The following CELF2 variants were observed in gnomAD, a reference collection of about 807,000 sequenced individuals.
CELF2 encodes CUGBP Elav-like family member 2.
In CELF2, 8 loss-of-function variants were observed where a neutral mutation model predicts 62.6. The ratio of observed to expected loss-of-function variants is 0.13; its 90% CI spans 0.07 to 0.23. The LOEUF is 0.23. CELF2 is among the 10% of genes least tolerant of loss of function. The pLI, the probability that CELF2 is intolerant of heterozygous loss-of-function variation, is 1.00. For synonymous variants in CELF2, 258 were observed against 250.0 expected, an observed-to-expected ratio of 1.03 and a Z score of -0.30; for missense variants, 333 against 671.0, an observed-to-expected ratio of 0.50 and a Z score of 5.56.
the CELF2 span, among the ~76,000 whole-genome samples, chr10:10,538,894 TG>T: frequency 9.2e-5 from 14 of 152,266 alleles, no homozygotes; most frequent in Admixed American, 2.0e-4. Flanking sequence ...TTTATCTTTT[TG>T]TTTGAGTGTC....
intron 1 of CELF2, among the ~76,000 whole-genome samples, chr10:10,896,383 A>G (rs1476353686): frequency 2.0e-5 from 3 of 152,188 alleles, no homozygotes; most frequent in Non-Finnish European, 4.4e-5. Context: ...GAAAGGATAA[A>G]AAAAGATACA....
intron 1 of CELF2, among the ~76,000 whole-genome samples, chr10:10,811,364 G>T: frequency 6.6e-6 from 1 of 152,188 alleles, no homozygotes; most frequent in East Asian, 1.9e-4. Context: ...GGGCCAGAAA[G>T]CAGGAGTGCC....
At chr10:10,483,439 A>G in the CELF2 span, among the ~76,000 whole-genome samples, 81 of 152,328 alleles carry the variant, frequency 5.3e-4, no homozygotes, top group African/African-American at 1.9e-3. Flanking sequence ...TCCACTGGGT[A>G]TGTAAATACA....
intron 3 of CELF2, among the ~76,000 whole-genome samples, chr10:11,230,840 A>G (rs191099442): frequency 2.6e-5 from 4 of 152,344 alleles, no homozygotes; most frequent in Admixed American, 2.6e-4. Context: ...TTCTGCCACA[A>G]AGAGTTAATC....
At chr10:10,651,398 A>G in the CELF2 span, among the ~76,000 whole-genome samples, 1 of 146,630 alleles carries the variant, frequency 6.8e-6, no homozygotes, top group South Asian at 2.4e-4. Flanking sequence ...CTGCCTCTGT[A>G]GGCTCCACCT....
the CELF2 span, among the ~76,000 whole-genome samples, chr10:10,732,222 C>A: frequency 6.6e-6 from 1 of 152,092 alleles, no homozygotes; most frequent in Non-Finnish European, 1.5e-5. Context: ...TTATTGTGAC[C>A]TTTTTCTCAT....
At chr10:10,724,136 A>G in the CELF2 span, among the ~76,000 whole-genome samples, 1 of 152,224 alleles carries the variant, frequency 6.6e-6, no homozygotes, top group Non-Finnish European at 1.5e-5. Flanking sequence ...TGCATTTTCC[A>G]TAAAAATTTC....
At chr10:10,759,994 C>T in the CELF2 span, among the ~76,000 whole-genome samples, 1 of 152,180 alleles carries the variant, frequency 6.6e-6, no homozygotes, top group South Asian at 2.1e-4. Context: ...CAACCTCCGC[C>T]TTCCAGTTCA....
At chr10:10,810,812 T>G (rs934283408) in intron 1 of CELF2, among the ~76,000 whole-genome samples, 18 of 152,134 alleles carry the variant, frequency 1.2e-4, no homozygotes, top group African/African-American at 4.3e-4. Flanking sequence ...GTGGTGGAGC[T>G]TCCAGTCAGC....
rs1382123726 is a variant in CELF2, at chr10:10,860,370, A to G, written c.54-59594A>G. 4.6e-5 allele frequency among the ~76,000 whole-genome samples: 7 copies of G among 152,206 alleles called. No homozygotes were observed. In the South Asian group the frequency reaches 1.0e-3, roughly 23 times the overall value. On this transcript the variant is annotated intron_variant, in intron 1 of 13. Coordinates refer to the CELF2 transcript ENST00000636488. ...ACCCACAGGTGTCCCCAGGCCACCA[A>G]TGTGTCCCAGATGTCCTCAGGCCAC...
At chr10:10,786,046 T>A in the CELF2 span, among the ~76,000 whole-genome samples, 1 of 152,094 alleles carries the variant, frequency 6.6e-6, no homozygotes, top group Non-Finnish European at 1.5e-5. Context: ...TTAAAAAAAA[T>A]GTTTTCTGCA....
At chr10:11,029,482 A>G (rs2059772931) in intron 1 of CELF2, among the ~76,000 whole-genome samples, 1 of 152,214 alleles carries the variant, frequency 6.6e-6, no homozygotes, top group South Asian at 2.1e-4. Flanking sequence ...ACGACGGGCC[A>G]GGGGAATATT....
chr10:10,531,439 A>G, the CELF2 span, among the ~76,000 whole-genome samples: 1 of 152,238 alleles, frequency 6.6e-6, no homozygotes, highest in African/African-American at 2.4e-5. Flanking sequence ...ATTTTATTAA[A>G]TCGTTCATAG....
Position 11,046,104 on chromosome 10 carries a change from C to T in CELF2, c.74+27941C>T, listed in dbSNP as rs2062788881. Among the ~76,000 whole-genome samples the T allele has an allele frequency of 6.6e-6, 1 of 152,236 alleles. No homozygotes were observed. The highest frequency in any genetic ancestry group is 2.1e-4 in the South Asian group (1 of 4,832). ...AGCTGACTTGAGCTGTCTACACCTT[C>T]CAGCTCTGTTCTATTTGCTGCTGTT... On this transcript the variant is annotated intron_variant, in intron 1 of 12. Coordinates refer to ENST00000633077, the MANE Select transcript of CELF2 (RefSeq NM_001326342.2). The surrounding 1 kb of genome is among the most constrained non-coding windows in gnomAD (Gnocchi z 4.6).
chr10:11,301,368 C>A (rs1279005488), intron 9 of CELF2, among the ~76,000 whole-genome samples: 2 of 134,248 alleles, frequency 1.5e-5, no homozygotes, highest in Non-Finnish European at 3.2e-5. Context: ...CTCCCCACCC[C>A]GCTTCCCCCC....
the CELF2 span, among the ~76,000 whole-genome samples, chr10:10,603,646 C>G: frequency 6.6e-6 from 1 of 152,146 alleles, no homozygotes; most frequent in Admixed American, 6.5e-5. Context: ...TTCATTCTCT[C>G]TCTTAATAAA....
intron 7 of CELF2, among the ~76,000 whole-genome samples, chr10:11,272,694 C>G (rs77766509): frequency 2.7e-3 from 409 of 152,304 alleles, no homozygotes; most frequent in African/African-American, 9.4e-3. Context: ...GTGATTCTTT[C>G]TTGGCCATGT....
chr10:10,629,491 C>T, the CELF2 span, among the ~76,000 whole-genome samples: 17 of 152,206 alleles, frequency 1.1e-4, no homozygotes, highest in Middle Eastern at 3.4e-3. Context: ...CTATTTTTAA[C>T]CTCTTTTTAA....
chr10:11,132,803 T>G (rs1292156092), intron 1 of CELF2, among the ~76,000 whole-genome samples: 1 of 152,196 alleles, frequency 6.6e-6, no homozygotes, highest in African/African-American at 2.4e-5. Flanking sequence ...AAATGGACCC[T>G]TAGGCCTTTG....
Sources: allele counts gnomAD v4.1 joint callset (sites outside exome capture counted in the v4.1 genomes callset), GRCh38; gene constraint gnomAD v4.1.1; non-coding constraint Gnocchi (gnomAD v3.1); transcripts MANE v1.5; gene names NCBI Gene and HGNC (gene_info 2026-07-23, HGNC 2026-07-21).